NTF3: variants seen among roughly 807,000 people sequenced by gnomAD.
NTF3 encodes the protein neurotrophin-3.
In NTF3, 8 loss-of-function variants were observed where a neutral mutation model predicts 26.3. The ratio of observed to expected loss-of-function variants is 0.30; its 90% CI spans 0.18 to 0.55. The LOEUF (loss-of-function observed/expected upper bound fraction) is 0.55. Among genes scored for constraint, NTF3 ranks in the 20% least tolerant of loss-of-function variants. The pLI, the probability that NTF3 is intolerant of heterozygous loss-of-function variation, is 0.93. For synonymous variants in NTF3, 154 were observed against 145.5 expected (o/e 1.06, Z -0.42); for missense variants, 276 against 352.9 (o/e 0.78, Z 1.75).
Position 5,494,837 on chromosome 12 carries a change from TTGA to T in NTF3, c.667_669del (p.Asp223del). 2 of 1,614,122 alleles carry T rather than the reference TTGA, an allele frequency of 1.2e-6. No individual in the cohort carries two copies. Among genetic ancestry groups the T allele is most frequent in the South Asian group, 1.1e-5 (1 of 91,076 alleles). On this transcript the variant is annotated inframe_deletion, in exon 2 of 2. Transcript: ENST00000423158. The surrounding 1 kb of genome is among the most constrained non-coding windows in gnomAD (Gnocchi z 8.3). ...CCGGTCAAAAACGGTTGCAGGGGTATTGATGATAAACACTGGAACTCTCAGTGC... is the reference window on the plus strand; with the variant it reads ...CCGGTCAAAAACGGTTGCAGGGGTATTGATAAACACTGGAACTCTCAGTGC...
intron 1 of NTF3, among the ~76,000 whole-genome samples, chr12:5,481,235 G>A (rs1940788377): frequency 6.6e-6 from 1 of 152,068 alleles, no homozygotes; most frequent in Non-Finnish European, 1.5e-5. Flanking sequence ...GTGAAAAACA[G>A]ACTTGCCCAG....
chr12:5,472,800 T>A (rs1472013582), intron 1 of NTF3, among the ~76,000 whole-genome samples: 1 of 152,198 alleles, frequency 6.6e-6, no homozygotes, highest in Non-Finnish European at 1.5e-5. Flanking sequence ...GACCACTGAT[T>A]CGCAGGAGCT....
At chr12:5,437,162 G>A (rs918726416) in intron 1 of NTF3, among the ~76,000 whole-genome samples, 2 of 152,168 alleles carry the variant, frequency 1.3e-5, no homozygotes, top group South Asian at 2.1e-4. Flanking sequence ...TGAAACCTCC[G>A]ATTCCTCCCA....
chr12:5,489,356 ACT>A (rs907052431), intron 1 of NTF3, among the ~76,000 whole-genome samples: 11 of 152,218 alleles, frequency 7.2e-5, no homozygotes, highest in African/African-American at 2.6e-4. Context: ...CTGGAAGTAA[ACT>A]CTCTAGAATG....
chr12:5,447,934 C>T (rs1173055738), intron 1 of NTF3, among the ~76,000 whole-genome samples: 2 of 152,184 alleles, frequency 1.3e-5, no homozygotes, highest in Non-Finnish European at 2.9e-5. Context: ...GGATAAGAGA[C>T]TCAGGGTAGC....
chr12:5,465,102 G>A (rs1376050566), intron 1 of NTF3, among the ~76,000 whole-genome samples: 1 of 152,184 alleles, frequency 6.6e-6, no homozygotes, highest in Non-Finnish European at 1.5e-5. Context: ...TCAGAGAGGT[G>A]AATCCATATG....
chr12:5,467,228 C>CAAAAAAAAAAAAAAAA (rs60794349), intron 1 of NTF3, among the ~76,000 whole-genome samples: 5 of 49,548 alleles, frequency 1.0e-4, no homozygotes, highest in Non-Finnish European at 1.6e-4. Context: ...GACTCCGTCT[C>CAAAAAAAAAAAAAAAA]AAAAAAAAAA....
intron 1 of NTF3, among the ~76,000 whole-genome samples, chr12:5,491,073 T>C (rs1591609363): frequency 6.6e-6 from 1 of 152,258 alleles, no homozygotes; most frequent in East Asian, 1.9e-4. Context: ...ACAAGCCATG[T>C]GATTTTTGTT....
At chr12:5,474,084 G>A (rs543558017) in intron 1 of NTF3, among the ~76,000 whole-genome samples, 17 of 152,322 alleles carry the variant, frequency 1.1e-4, no homozygotes, top group Non-Finnish European at 1.5e-4. Flanking sequence ...TGGGACACTC[G>A]AGAGTGAAAG....
intron 1 of NTF3, among the ~76,000 whole-genome samples, chr12:5,483,037 GTC>G (rs911426621): frequency 1.3e-5 from 2 of 150,306 alleles, no homozygotes; most frequent in African/African-American, 2.5e-5. Flanking sequence ...CTGTATCTCT[GTC>G]TCTTTCTCTT....
intron 1 of NTF3, among the ~76,000 whole-genome samples, chr12:5,473,592 A>T (rs1470919471): frequency 1.3e-5 from 2 of 152,234 alleles, no homozygotes; most frequent in African/African-American, 4.8e-5. Flanking sequence ...TAGGGCCAGG[A>T]AACCCTGCTG....
intron 1 of NTF3, among the ~76,000 whole-genome samples, chr12:5,476,496 C>T (rs775678572): frequency 4.5e-4 from 68 of 152,188 alleles, no homozygotes; most frequent in Non-Finnish European, 4.4e-4. Flanking sequence ...TCATAGGCCG[C>T]GTTTCCCTGT....
At chr12:5,487,559 G>C (rs538730350) in intron 1 of NTF3, among the ~76,000 whole-genome samples, 4 of 152,084 alleles carry the variant, frequency 2.6e-5, no homozygotes, top group Non-Finnish European at 4.4e-5. Context: ...CTTCACTGTT[G>C]ACCGTGTCTT....
At chr12:5,464,120 G>A (rs563791848) in intron 1 of NTF3, among the ~76,000 whole-genome samples, 12 of 152,314 alleles carry the variant, frequency 7.9e-5, no homozygotes, top group South Asian at 2.1e-4. Context: ...GGTAGACAGC[G>A]TGACTGTTCC....
intron 1 of NTF3, among the ~76,000 whole-genome samples, chr12:5,439,724 C>T (rs758707327): frequency 9.2e-5 from 14 of 152,180 alleles, no homozygotes; most frequent in African/African-American, 3.1e-4. Flanking sequence ...TTGATCCACA[C>T]GCCCACGAGA....
intron 1 of NTF3, among the ~76,000 whole-genome samples, chr12:5,436,828 C>A (rs974087247): frequency 6.6e-6 from 1 of 152,158 alleles, no homozygotes; most frequent in African/African-American, 2.4e-5. Flanking sequence ...TGATGGAAAT[C>A]TTTAAGATCT....
At chr12:5,443,721 G>C (rs899317148) in intron 1 of NTF3, among the ~76,000 whole-genome samples, 1 of 152,104 alleles carries the variant, frequency 6.6e-6, no homozygotes, top group Admixed American at 6.5e-5. Flanking sequence ...ATTAAAATGA[G>C]GAAAAGATTG....
At chr12:5,487,226 C>T (rs1490844314) in intron 1 of NTF3, among the ~76,000 whole-genome samples, 1 of 152,206 alleles carries the variant, frequency 6.6e-6, no homozygotes, top group African/African-American at 2.4e-5. Flanking sequence ...AACTGTCCTA[C>T]CTTCCTCCCT....
At chr12:5,432,805 T>A (rs1840685494) in intron 1 of NTF3, among the ~76,000 whole-genome samples, 1 of 151,970 alleles carries the variant, frequency 6.6e-6, no homozygotes, top group Non-Finnish European at 1.5e-5. Flanking sequence ...CCGACCCGCC[T>A]GCTCCTCCGA....
Sources: gnomAD v4.1 joint callset for allele counts (sites outside exome capture counted in the v4.1 genomes callset) on GRCh38, gnomAD v4.1.1 for gene constraint, Gnocchi (gnomAD v3.1) non-coding constraint, MANE v1.5 for transcripts, NCBI Gene and HGNC (gene_info 2026-07-23, HGNC 2026-07-21) for gene names.